Variants in CRB1 observed in about 807,000 individuals in gnomAD.
CRB1 encodes protein crumbs homolog 1.
Under a neutral mutation model 120.0 loss-of-function variants are expected in CRB1, and 83 were observed. The observed-to-expected ratio is 0.69, with a 90% CI of 0.58 to 0.83. The LOEUF is 0.83. Ranked by LOEUF, CRB1 falls within the 40% of genes least tolerant of loss-of-function variation. The probability of loss-of-function intolerance (pLI) is 0.00; values close to 1 mark genes in which losing one functional copy is unlikely to be tolerated. For synonymous variants in CRB1, 625 were observed against 612.5 expected (o/e 1.02, Z -0.30); for missense variants, 1,699 against 1,687.6 (o/e 1.01, Z -0.12).
chr1:197,298,862 A>T (rs1656698764), intron 1 of CRB1, among the ~76,000 whole-genome samples: 1 of 152,118 alleles, frequency 6.6e-6, no homozygotes, highest in African/African-American at 2.4e-5. Context: ...ATTTATACAT[A>T]AAAACTAATT....
chr1:197,377,225 A>G (rs1365157136), intron 5 of CRB1, among the ~76,000 whole-genome samples: 1 of 151,896 alleles, frequency 6.6e-6, no homozygotes, highest in African/African-American at 2.4e-5. Flanking sequence ...CACTTCCATT[A>G]ATTTTTAATC....
intron 5 of CRB1, among the ~76,000 whole-genome samples, chr1:197,376,958 A>G (rs1661681738): frequency 6.6e-6 from 1 of 152,056 alleles, no homozygotes; most frequent in East Asian, 1.9e-4. Context: ...GGTTAGGCCA[A>G]ACTCATTTCT....
the CRB1 span, among the ~76,000 whole-genome samples, chr1:197,201,988 G>A: frequency 2.0e-5 from 3 of 152,316 alleles, no homozygotes; most frequent in East Asian, 5.8e-4. Context: ...TAGTGCCTGA[G>A]ATTTTGGATT....
the CRB1 span, among the ~76,000 whole-genome samples, chr1:197,226,267 T>A: frequency 6.6e-6 from 1 of 152,208 alleles, no homozygotes; most frequent in Non-Finnish European, 1.5e-5. Context: ...ACTTTGAATA[T>A]GTTATTAAGC....
intron 5 of CRB1, among the ~76,000 whole-genome samples, chr1:197,415,641 C>CTTTTTTTTTTTTTTTTTTTTTTTTTTTTT (rs55654070): frequency 4.3e-5 from 4 of 94,012 alleles, no homozygotes; most frequent in East Asian, 3.1e-4. Flanking sequence ...TTTTTCTTTT[C>CTTTTTTTTTTTTTTTTTTTTTTTTTTTTT]TTTTTTTTTT....
At chr1:197,292,480 A>G (rs1345820565) in intron 1 of CRB1, among the ~76,000 whole-genome samples, 2 of 152,170 alleles carry the variant, frequency 1.3e-5, no homozygotes, top group Non-Finnish European at 2.9e-5. Context: ...TACCAGAGGT[A>G]CAAGGAGGAG....
chr1:197,347,519 G>A lies in CRB1; in HGVS notation c.988+40G>A. The A allele has an allele frequency of 1.9e-6, 3 of 1,603,086 alleles. No homozygotes were observed. The South Asian group carries it at 3.3e-5, about 18-fold the overall frequency. On this transcript the variant is annotated intron_variant, in intron 4 of 11. Coordinates refer to ENST00000367400, the MANE Select transcript of CRB1 (RefSeq NM_201253.3). ...ACCTTCCACCAATTATTTTTCATTT[G>A]TTTAGAATACACATATCGCTTATAG... is the stretch of plus-strand genomic sequence containing the variant.
intron 5 of CRB1, among the ~76,000 whole-genome samples, chr1:197,389,712 T>TA (rs80258021): frequency 0.25 from 38,363 of 151,880 alleles, 6,066 homozygotes; most frequent in Non-Finnish European, 0.34. Context: ...TTTACCACAA[T>TA]AAAAAAATTG....
At chr1:197,473,892 C>G (rs1453763329) in intron 11 of CRB1, among the ~76,000 whole-genome samples, 1 of 151,340 alleles carries the variant, frequency 6.6e-6, no homozygotes, top group Non-Finnish European at 1.5e-5. Flanking sequence ...AATTTAAAAG[C>G]AAAGGGCCCT....
intron 4 of CRB1, among the ~76,000 whole-genome samples, chr1:197,356,436 G>C (rs1660483932): frequency 6.6e-6 from 1 of 152,162 alleles, no homozygotes; most frequent in East Asian, 1.9e-4. Context: ...TGAGTTTTAA[G>C]AGAATTTAGT....
the CRB1 span, chr1:197,222,732 A>C: frequency 2.3e-6 from 2 of 871,598 alleles, no homozygotes; most frequent in African/African-American, 3.3e-5. Context: ...TTCTCTGAGT[A>C]GGAACAATGG....
chr1:197,355,496 C>T (rs911869827), intron 4 of CRB1, among the ~76,000 whole-genome samples: 2 of 152,258 alleles, frequency 1.3e-5, no homozygotes, highest in East Asian at 1.9e-4. Context: ...TGGGGGATTG[C>T]GGGGGGCTCA....
At chr1:197,234,411 C>T in the CRB1 span, among the ~76,000 whole-genome samples, 1 of 152,192 alleles carries the variant, frequency 6.6e-6, no homozygotes, top group African/African-American at 2.4e-5. Context: ...GAACAGAAGC[C>T]TTCTTCCAAC....
intron 5 of CRB1, among the ~76,000 whole-genome samples, chr1:197,416,411 G>C (rs567180932): frequency 6.6e-6 from 1 of 152,086 alleles, no homozygotes; most frequent in Non-Finnish European, 1.5e-5. Flanking sequence ...AACATACTAT[G>C]TACAATGCAT....
chr1:197,201,875 G>GA, the CRB1 span, among the ~76,000 whole-genome samples: 2 of 151,616 alleles, frequency 1.3e-5, no homozygotes, highest in African/African-American at 4.8e-5. Flanking sequence ...ATTGTACACA[G>GA]AAAAAAAATA....
intron 5 of CRB1, among the ~76,000 whole-genome samples, chr1:197,402,649 C>A (rs537821380): frequency 6.6e-6 from 1 of 152,246 alleles, no homozygotes; most frequent in South Asian, 2.1e-4. Context: ...GGTCTAATTT[C>A]TGTTCTCTAG....
intron 5 of CRB1, among the ~76,000 whole-genome samples, chr1:197,412,846 A>G (rs966959098): frequency 1.1e-4 from 16 of 152,254 alleles, no homozygotes; most frequent in African/African-American, 3.4e-4. Context: ...TACATGCACT[A>G]TTGCAATGTC....
intron 1 of CRB1, among the ~76,000 whole-genome samples, chr1:197,305,988 G>A (rs1158684112): frequency 6.6e-6 from 1 of 152,102 alleles, no homozygotes; most frequent in African/African-American, 2.4e-5. Flanking sequence ...TTACTGAATT[G>A]TAAGGAGTGC....
At chr1:197,380,937 T>A (rs143366813) in intron 5 of CRB1, among the ~76,000 whole-genome samples, 196 of 152,272 alleles carry the variant, frequency 1.3e-3, no homozygotes, top group Middle Eastern at 3.4e-3. Flanking sequence ...TGGTGAGGAT[T>A]TTTTAGCATG....
Sources: allele counts gnomAD v4.1 joint callset (sites outside exome capture counted in the v4.1 genomes callset), GRCh38; gene constraint gnomAD v4.1.1; transcripts MANE v1.5; gene names NCBI Gene and HGNC (gene_info 2026-07-23, HGNC 2026-07-21).